The following NKAIN2 variants were observed in gnomAD, a reference collection of about 807,000 sequenced individuals.
NKAIN2 encodes sodium/potassium transporting ATPase interacting 2.
Under a neutral mutation model 32.6 loss-of-function variants are expected in NKAIN2, and 14 were observed. The ratio of observed to expected loss-of-function variants is 0.43; its 90% CI spans 0.28 to 0.67. The LOEUF (loss-of-function observed/expected upper bound fraction) is 0.67. Ranked by LOEUF, NKAIN2 falls within the 30% of genes least tolerant of loss-of-function variation. The pLI is 0.17. For missense variants in NKAIN2, 198 were observed against 258.3 expected (o/e 0.77, Z 1.60); for synonymous variants, 80 against 87.2 (o/e 0.92, Z 0.46).
chr6:124,560,423 C>T (rs1222855823), intron 3 of NKAIN2, among the ~76,000 whole-genome samples: 1 of 152,234 alleles, frequency 6.6e-6, no homozygotes, highest in African/African-American at 2.4e-5. Flanking sequence ...TTATAAATTA[C>T]ACAGCCTCAG....
At chr6:124,795,493 CCTTATG>C (rs1779957652) in intron 5 of NKAIN2, among the ~76,000 whole-genome samples, 1 of 152,016 alleles carries the variant, frequency 6.6e-6, no homozygotes. Flanking sequence ...AACTTTTTTC[CCTTATG>C]TATCCTTTTA....
At chr6:124,556,086 C>CAA (rs10592574) in intron 3 of NKAIN2, among the ~76,000 whole-genome samples, 27 of 135,134 alleles carry the variant, frequency 2.0e-4, no homozygotes, top group African/African-American at 6.8e-4. Context: ...GTTTGCTATG[C>CAA]AAAAAAAAAA....
intron 1 of NKAIN2, among the ~76,000 whole-genome samples, chr6:124,051,406 T>C (rs1320370005): frequency 6.6e-6 from 1 of 152,032 alleles, no homozygotes; most frequent in East Asian, 1.9e-4. Context: ...TTTTATGATG[T>C]TACCAGTGGC....
chr6:124,306,710 A>G (rs1471977431), intron 2 of NKAIN2, among the ~76,000 whole-genome samples: 1 of 152,190 alleles, frequency 6.6e-6, no homozygotes, highest in Non-Finnish European at 1.5e-5. Flanking sequence ...TATTTGAAGT[A>G]TACAATAAAA....
intron 2 of NKAIN2, among the ~76,000 whole-genome samples, chr6:124,345,351 A>G (rs1256689820): frequency 1.3e-5 from 2 of 152,214 alleles, no homozygotes; most frequent in Non-Finnish European, 2.9e-5. Flanking sequence ...GCCTCATAAA[A>G]TGAGTTAGGG....
chr6:124,465,630 T>TAA (rs5879736), intron 3 of NKAIN2, among the ~76,000 whole-genome samples: 83,803 of 140,614 alleles, frequency 0.6, 26,304 homozygotes, highest in East Asian at 0.77. Flanking sequence ...AAAGTAAAGT[T>TAA]AAAAAAAAAA....
At chr6:124,495,003 C>T (rs1355881363) in intron 3 of NKAIN2, among the ~76,000 whole-genome samples, 1 of 152,068 alleles carries the variant, frequency 6.6e-6, no homozygotes, top group African/African-American at 2.4e-5. Flanking sequence ...ATTCTACAGT[C>T]ATTGGTTAAT....
At chr6:124,430,452 A>G (rs1775166922) in intron 3 of NKAIN2, among the ~76,000 whole-genome samples, 1 of 152,106 alleles carries the variant, frequency 6.6e-6, no homozygotes, top group Non-Finnish European at 1.5e-5. Flanking sequence ...TGAGTCCTTC[A>G]TGTAGTTGCT....
intron 3 of NKAIN2, among the ~76,000 whole-genome samples, chr6:124,512,142 CAT>C (rs1778737834): frequency 6.6e-6 from 1 of 152,154 alleles, no homozygotes. Flanking sequence ...TTTATAAACA[CAT>C]ATTCCTAAAA....
At chr6:124,214,643 A>T (rs1791373389) in intron 1 of NKAIN2, among the ~76,000 whole-genome samples, 1 of 152,108 alleles carries the variant, frequency 6.6e-6, no homozygotes. Context: ...GGAGATTGCC[A>T]TGAGCCAGGA....
chr6:124,817,154 C>T (rs977276943), intron 5 of NKAIN2, among the ~76,000 whole-genome samples: 12 of 152,242 alleles, frequency 7.9e-5, no homozygotes, highest in Middle Eastern at 3.4e-3. Flanking sequence ...TGACCCACAG[C>T]CCACAGGCTA....
At chr6:123,960,864 A>G (rs1459601681) in intron 1 of NKAIN2, among the ~76,000 whole-genome samples, 3 of 151,852 alleles carry the variant, frequency 2.0e-5, no homozygotes, top group Non-Finnish European at 4.4e-5. Flanking sequence ...CTACAATTGC[A>G]CTTGTTACTT....
chr6:124,779,547 G>T (rs962298758), intron 4 of NKAIN2, among the ~76,000 whole-genome samples: 15 of 152,128 alleles, frequency 9.9e-5, no homozygotes, highest in African/African-American at 3.4e-4. Context: ...CATCCTGGAA[G>T]AGTTTTGCTA....
At chr6:124,296,302 G>T (rs2114961976) in intron 2 of NKAIN2, among the ~76,000 whole-genome samples, 1 of 152,142 alleles carries the variant, frequency 6.6e-6, no homozygotes, top group East Asian at 1.9e-4. Context: ...TGGCCTAAAT[G>T]GAGTTGCTAG....
At chr6:123,815,454 C>T (rs1445318936) in intron 1 of NKAIN2, among the ~76,000 whole-genome samples, 3 of 152,056 alleles carry the variant, frequency 2.0e-5, no homozygotes, top group African/African-American at 7.2e-5. Flanking sequence ...TAAATCAGAA[C>T]GTAAATAATG....
intron 4 of NKAIN2, among the ~76,000 whole-genome samples, chr6:124,735,847 C>T (rs746438087): frequency 6.6e-6 from 1 of 151,860 alleles, no homozygotes; most frequent in African/African-American, 2.4e-5. Flanking sequence ...CCCCATCTCT[C>T]TCCCTTTCTT....
chr6:124,824,248 G>A lies in NKAIN2; in HGVS notation c.*1019G>A, dbSNP rs1167457532. 1 of 152,506 alleles carries A rather than the reference G, an allele frequency of 6.6e-6. No individual in the cohort carries two copies. The highest frequency in any genetic ancestry group is 6.6e-5 in the Admixed American group (1 of 15,264). 9.4% of individuals were successfully genotyped at this position (152,506 alleles called of 1,614,324 possible). On this transcript the variant is annotated 3_prime_UTR_variant, in exon 7 of 7. Transcript: ENST00000368417. ...CAGCTGTGGATTTCTATCAACAGAG[G>A]CCAACTGAATATGTATTAGCTATGT...
At chr6:124,597,387 T>C (rs1000887106) in intron 3 of NKAIN2, among the ~76,000 whole-genome samples, 2 of 151,276 alleles carry the variant, frequency 1.3e-5, no homozygotes, top group African/African-American at 2.4e-5. Context: ...TATACTAATA[T>C]AAAGTATTAA....
intron 3 of NKAIN2, among the ~76,000 whole-genome samples, chr6:124,449,547 A>G (rs1218639615): frequency 1.3e-5 from 2 of 152,128 alleles, no homozygotes; most frequent in Admixed American, 6.6e-5. Flanking sequence ...GATGCATACA[A>G]TTAGTGCTGA....
Sources: allele counts gnomAD v4.1 joint callset (sites outside exome capture counted in the v4.1 genomes callset), GRCh38; gene constraint gnomAD v4.1.1; transcripts MANE v1.5; gene names NCBI Gene and HGNC (gene_info 2026-07-23, HGNC 2026-07-21).